Variants in TTN observed in about 807,000 individuals in gnomAD.
TTN encodes titin.
Under a neutral mutation model 3,223.0 loss-of-function variants are expected in TTN, and 1,525 were observed. The ratio of observed to expected loss-of-function variants is 0.47; its 90% CI spans 0.45 to 0.49. The LOEUF is 0.49. Ranked by LOEUF, TTN falls within the 20% of genes least tolerant of loss-of-function variation. The pLI, the probability that TTN is intolerant of heterozygous loss-of-function variation, is 0.00. For missense variants in TTN, 40,786 were observed against 43,424.0 expected (o/e 0.94, Z 5.40); for synonymous variants, 14,094 against 15,161.0 (o/e 0.93, Z 5.17).
At chr2:178,637,313 C>A in intron 224 of TTN, 56 bp downstream of exon 224, 1 of 1,317,066 alleles carries the variant, frequency 7.6e-7, no homozygotes, top group Non-Finnish European at 1.0e-6. Context: ...TGAATATGAA[C>A]TTTGGAAATT....
chr2:178,532,873 G>C lies in TTN; in HGVS notation c.103742C>G (p.Pro34581Arg), dbSNP rs1357155692. Reference sequence around the variant, plus strand: ...CTGTACAACTCTGTCAAGTTTCCCAGGCATTTCATACTGATCACGTATCTT... The same window carrying C: ...CTGTACAACTCTGTCAAGTTTCCCACGCATTTCATACTGATCACGTATCTT... The part of the protein sequence containing the change: ...YKKIRDQYEM[P>R]GKLDRVVQKR... Residue 34581 changes from proline (P) to arginine (R), a missense_variant, in exon 358 of 363, where the codon CCT (proline) becomes CGT (arginine). Transcript: ENST00000589042. The C allele has an allele frequency of 6.2e-7, 1 of 1,613,902 alleles. No homozygotes were observed. The highest frequency in any genetic ancestry group is 1.7e-5 in the Admixed American group (1 of 60,012).
Position 178,595,532 on chromosome 2 carries a change from C to T in TTN, c.57822G>A (p.Glu19274=). 5.8e-6 allele frequency: 9 copies of T among 1,561,438 alleles called. No individual in the cohort carries two copies. The highest frequency in any genetic ancestry group is 7.8e-6 in the Non-Finnish European group (9 of 1,151,786). The change falls in exon 295 of 363, where the codon GAG becomes GAA. Residue 19274 remains glutamate (E), a synonymous_variant. Transcript: ENST00000589042. ...IGMGPFVETS[E]ALVIREPITV... The stretch of plus-strand genomic sequence containing the variant: ...TTATTGGCTCTCTGATAACAAGTGC[C>T]TCTGATGTCTCAACAAATGGACCCA...
At chr2:178,701,421 T>A in intron 110 of TTN, 107 bp downstream of exon 110, 1 of 1,238,854 alleles carries the variant, frequency 8.1e-7, no homozygotes, top group South Asian at 1.5e-5. Context: ...ATGGAAGGTT[T>A]TGTTCTGACT....
In TTN at chr2:178,645,971, G is replaced by C; in HGVS notation, c.40357C>G (p.Pro13453Ala). Residue 13453 changes from proline (P) to alanine (A), a missense_variant, in exon 217 of 363, where the codon CCA (proline) becomes GCA (alanine). Transcript: ENST00000589042. ...PKLKPRPPPPPPAPPKEDVKE... is the reference protein window; with the variant it reads ...PKLKPRPPPPAPAPPKEDVKE... ...ACATCTTCCTTAGGTGGAGCAGGTG[G>C]AGGAGGTGGGGGTCTTGGTTTGAGT... 6.3e-7 allele frequency: 1 copy of C among 1,587,880 alleles called. No individual in the cohort carries two copies. Among genetic ancestry groups the C allele is most frequent in the Non-Finnish European group, 8.5e-7 (1 of 1,169,810 alleles).
Position 178,530,687 on chromosome 2 carries a change from T to C in TTN, c.105928A>G (p.Ser35310Gly). 1 of 1,614,004 alleles carries C rather than the reference T, an allele frequency of 6.2e-7. No homozygotes were observed. Among genetic ancestry groups the C allele is most frequent in the South Asian group, 1.1e-5 (1 of 91,086 alleles). Reference protein sequence around the residue: ...IAKLTCVVESSVLRAKEVTWY... With the variant: ...IAKLTCVVESGVLRAKEVTWY... ...GTGACCTCTTTTGCCCTTAATACAC[T>C]GCTTTCAACCACACAGGTCAGTTTT... Residue 35310 changes from serine to glycine, a missense_variant, in exon 358 of 363, where the codon AGT becomes GGT. Transcript: ENST00000589042.
chr2:178,591,243 G>A lies in TTN; in HGVS notation c.60482C>T (p.Thr20161Ile), dbSNP rs2050131574. The part of the protein sequence containing the change: ...ITVSNAAGSK[T>I]VAVHLTVLDV... ...AAGAACAGTAAGATGTACGGCTACT[G>A]TTTTGCTACCGGCTGCATTGGAAAC... Residue 20161 changes from threonine (T) to isoleucine (I), a missense_variant, in exon 304 of 363, where the codon ACA becomes ATA. By Grantham distance (89) the Thr-to-Ile change is moderately conservative. Transcript: ENST00000589042. The A allele has an allele frequency of 3.1e-6, 5 of 1,613,384 alleles. No individual in the cohort carries two copies. The highest frequency in any genetic ancestry group is 2.5e-6 in the Non-Finnish European group (3 of 1,179,540).
Position 178,735,776 on chromosome 2 carries a change from G to C in TTN, c.14670C>G (p.Phe4890Leu). The C allele has an allele frequency of 6.2e-7, 1 of 1,613,716 alleles. No homozygotes were observed. The highest frequency in any genetic ancestry group is 8.5e-7 in the Non-Finnish European group (1 of 1,179,792). Residue 4890 changes from phenylalanine (F) to leucine (L), a missense_variant, in exon 50 of 363, where the codon TTC (phenylalanine) becomes TTG (leucine). Coordinates refer to ENST00000589042, the MANE Select transcript of TTN (RefSeq NM_001267550.2). Reference sequence around the variant, plus strand: ...ACTGCACAGGCTCTAATTCTTTAATGAAATGTGGCTTATCAATGATGATCA... The same window carrying C: ...ACTGCACAGGCTCTAATTCTTTAATCAAATGTGGCTTATCAATGATGATCA... ...AELIIIDKPHFIKELEPVQSA... is the reference protein window; with the variant it reads ...AELIIIDKPHLIKELEPVQSA...
Position 178,565,878 on chromosome 2 carries a change from T to C in TTN, c.80254A>G (p.Ile26752Val), listed in dbSNP as rs376046847. The part of the protein sequence containing the change: ...FKVENLTEGA[I>V]YYFRVMAENE... ...TCAGCCATGACTCTGAAGTAATAAATGGCTCCTTCTGTAAGGTTTTCCACT... is the reference window on the plus strand; with the variant it reads ...TCAGCCATGACTCTGAAGTAATAAACGGCTCCTTCTGTAAGGTTTTCCACT... The change falls in exon 326 of 363, where the codon ATT becomes GTT. Residue 26752 changes from isoleucine to valine, a missense_variant. Coordinates refer to ENST00000589042, the MANE Select transcript of TTN (RefSeq NM_001267550.2). 3 of 1,613,530 alleles carry C rather than the reference T, an allele frequency of 1.9e-6. No individual in the cohort carries two copies. The highest frequency in any genetic ancestry group is 2.7e-5 in the African/African-American group (2 of 74,908).
In TTN at chr2:178,543,515, T is replaced by G; in HGVS notation, c.96458A>C (p.Lys32153Thr). 6.2e-7 allele frequency: 1 copy of G among 1,613,458 alleles called. No individual in the cohort carries two copies. Among genetic ancestry groups the G allele is most frequent in the East Asian group, 2.2e-5 (1 of 44,840 alleles). The change falls in exon 347 of 363, where the codon AAA (lysine) becomes ACA (threonine). Residue 32153 changes from lysine (K) to threonine (T), a missense_variant. Transcript: ENST00000589042. ...EKREAAMRAF[K>T]TVTTKCSKTL... Reference sequence around the variant, plus strand: ...CTTGCTGCATTTGGTAGTTACTGTTTTGAATGCTCTCATAGCAGCTTCACG... The same window carrying G: ...CTTGCTGCATTTGGTAGTTACTGTTGTGAATGCTCTCATAGCAGCTTCACG...
Position 178,564,579 on chromosome 2 carries a change from T to C in TTN, c.81553A>G (p.Asn27185Asp). Residue 27185 changes from asparagine to aspartate, a missense_variant, in exon 326 of 363, where the codon AAC (asparagine) becomes GAC (aspartate). Transcript: ENST00000589042. ...TTCTTCCATTTCAGTGTGACATTGT[T>C]TCTTGTAATAACAATGGCTTCAGGG... ...GRPEAIVITR[N>D]NVTLKWKKPA... The C allele has an allele frequency of 6.2e-7, 1 of 1,613,530 alleles. No homozygotes were observed. The highest frequency in any genetic ancestry group is 8.5e-7 in the Non-Finnish European group (1 of 1,179,698).
rs571063679 is a variant in TTN, at chr2:178,636,338, C to T, written c.41329+60G>A. The T allele has an allele frequency of 6.6e-7, 1 of 1,520,164 alleles. No individual in the cohort carries two copies. Among genetic ancestry groups the T allele is most frequent in the East Asian group, 2.3e-5 (1 of 43,556 alleles). 94.2% of individuals were successfully genotyped at this position (1,520,164 alleles called of 1,614,324 possible). ...TTTTGTAAAACTACAATGCAAGTTG[C>T]TACTAAGGTTTGTTACATTAAAGTT... is the stretch of plus-strand genomic sequence containing the variant. On this transcript the variant is annotated intron_variant, in intron 225 of 362. Transcript: ENST00000589042. The surrounding 1 kb of genome is among the most constrained non-coding windows in gnomAD (Gnocchi z 4.3).
At chr2:178,788,361 A>G (rs986527997) in intron 13 of TTN, among the ~76,000 whole-genome samples, 1 of 152,112 alleles carries the variant, frequency 6.6e-6, no homozygotes, top group Non-Finnish European at 1.5e-5. Flanking sequence ...AATTCATGAC[A>G]AAATTTGAAT....
In TTN at chr2:178,704,828, A is replaced by C. The variant is rs1474846369; in HGVS notation, c.29694+49T>G. On this transcript the variant is annotated intron_variant, in intron 104 of 362. Coordinates refer to ENST00000589042, the MANE Select transcript of TTN (RefSeq NM_001267550.2). ...ATTTGTTACTCCTTCCCTTATAATAATACTCAATAATAACTTGTTCATTTT... is the reference window on the plus strand; with the variant it reads ...ATTTGTTACTCCTTCCCTTATAATACTACTCAATAATAACTTGTTCATTTT... 6 of 1,609,292 alleles carry C rather than the reference A, an allele frequency of 3.7e-6. No individual in the cohort carries two copies. In the East Asian group the frequency reaches 6.7e-5, roughly 18 times the overall value.
rs1709554662 is a variant in TTN at position 178,575,027 on chromosome 2, C to A, written c.71105G>T (p.Gly23702Val). 6.2e-7 allele frequency: 1 copy of A among 1,613,140 alleles called. No homozygotes were observed. Among genetic ancestry groups the A allele is most frequent in the Non-Finnish European group, 8.5e-7 (1 of 1,179,606 alleles). ...NINECVRSDS[G>V]PYPLTARNIV... Reference sequence around the variant, plus strand: ...GTTCCTTGCTGTTAATGGATAGGGCCCACTATCACTTCTGACACACTCATT... The same window carrying A: ...GTTCCTTGCTGTTAATGGATAGGGCACACTATCACTTCTGACACACTCATT... Residue 23702 changes from glycine to valine, a missense_variant, in exon 326 of 363, where the codon GGG (glycine) becomes GTG (valine). By Grantham distance (109) the Gly-to-Val change is moderately radical. Coordinates refer to ENST00000589042, the MANE Select transcript of TTN (RefSeq NM_001267550.2). This position sits in a 1 kb window ranked among gnomAD's most constrained non-coding sequence, Gnocchi z 4.0.
Position 178,651,495 on chromosome 2 carries a change from G to T in TTN, c.39505C>A (p.Pro13169Thr). The T allele has an allele frequency of 6.2e-7, 1 of 1,612,898 alleles. No individual in the cohort carries two copies. The highest frequency in any genetic ancestry group is 1.1e-5 in the South Asian group (1 of 90,940). Residue 13169 changes from proline (P) to threonine (T), a missense_variant, in exon 207 of 363, where the codon CCT (proline) becomes ACT (threonine). Physicochemically the swap from Pro to Thr is conservative, Grantham distance 38 (BLOSUM62 -1). Transcript: ENST00000589042. ...TCTGGCTTTTTGGGAACCACCAGAG[G>T]CACCTTCTTTTCAGGAACAACCTCC... Reference protein sequence around the residue: ...PKEVVPEKKVPLVVPKKPEAP... With the variant: ...PKEVVPEKKVTLVVPKKPEAP...
rs753394963 is a variant in TTN at position 178,599,840 on chromosome 2, T to G, written c.56061A>C (p.Ser18687=). The G allele has an allele frequency of 6.3e-7, 1 of 1,584,562 alleles. No homozygotes were observed. Among genetic ancestry groups the G allele is most frequent in the South Asian group, 1.2e-5 (1 of 85,482 alleles). Reference sequence around the variant, plus strand: ...CCTCCATGAATTCTTTTAGATCAATTGATGGTGGGCCTAGATTATTTAAAA... The same window carrying G: ...CCTCCATGAATTCTTTTAGATCAATGGATGGTGGGCCTAGATTATTTAAAA... The part of the protein sequence containing the change: ...VTVKDQTCPP[S]IDLKEFMEVE... Residue 18687 remains serine (S), a synonymous_variant, in exon 289 of 363, where the codon TCA becomes TCC. Transcript: ENST00000589042.
At chr2:178,710,080 A>G (rs1032281431) in intron 98 of TTN, among the ~76,000 whole-genome samples, 1 of 152,188 alleles carries the variant, frequency 6.6e-6, no homozygotes, top group Non-Finnish European at 1.5e-5. Flanking sequence ...ACTCATGGCC[A>G]TTTAGAGAAT....
chr2:178,790,910 T>C, intron 10 of TTN, 65 bp from the exon 11 acceptor site: 2 of 1,588,868 alleles, frequency 1.3e-6, no homozygotes, highest in Non-Finnish European at 1.7e-6. Context: ...GAAGACATCC[T>C]TGAAACACTC....
At chr2:178,685,087 T>C (rs903271898) in intron 129 of TTN, 98 bp from the exon 130 acceptor site, 2 of 1,187,992 alleles carry the variant, frequency 1.7e-6, no homozygotes, top group East Asian at 2.5e-5. Flanking sequence ...ATTGCACATA[T>C]ATACAAACGT....
Sources: allele counts gnomAD v4.1 joint callset (sites outside exome capture counted in the v4.1 genomes callset), GRCh38; gene constraint gnomAD v4.1.1; non-coding constraint Gnocchi (gnomAD v3.1); transcripts MANE v1.5; gene names NCBI Gene and HGNC (gene_info 2026-07-23, HGNC 2026-07-21).